Variants in WDR35 observed in about 807,000 individuals in gnomAD.
WDR35 encodes WD repeat domain 35, also known as WD repeat-containing protein 35.
A neutral mutation model predicts 158.3 loss-of-function variants in WDR35; 118 were observed. The ratio of observed to expected loss-of-function variants is 0.75; its 90% confidence interval spans 0.64 to 0.87. WDR35 has a LOEUF of 0.87. Among genes scored for constraint, WDR35 ranks in the 40% least tolerant of loss-of-function variants. The pLI, the probability that WDR35 is intolerant of heterozygous loss-of-function variation, is 0.00. For synonymous variants in WDR35, 448 were observed against 476.1 expected, an observed-to-expected ratio of 0.94 and a Z score of 0.77; for missense variants, 1,263 against 1,405.8, an observed-to-expected ratio of 0.90 and a Z score of 1.62.
At position 19,923,131 on chromosome 2, in the gene WDR35, A is replaced by G. The variant is rs571546662; in HGVS notation, c.3121+7265T>C. On this transcript the variant is annotated intron_variant, in intron 25 of 26. Transcript: ENST00000281405. ...TAAATACGTGGGTAAATCTCTGTTCAGGGCTCTCAGCTCTGAAGGTTGTGA... is the reference window on the plus strand; with the variant it reads ...TAAATACGTGGGTAAATCTCTGTTCGGGGCTCTCAGCTCTGAAGGTTGTGA... 4.4e-4 allele frequency among the ~76,000 whole-genome samples: 67 copies of G among 152,306 alleles called. No homozygotes were observed. The East Asian group carries it at 0.011, about 24-fold the overall frequency.
intron 9 of WDR35, among the ~76,000 whole-genome samples, chr2:19,967,469 T>C (rs191611306): frequency 6.6e-6 from 1 of 152,314 alleles, no homozygotes; most frequent in East Asian, 1.9e-4. Flanking sequence ...GCAACTGTTC[T>C]GGTGTTTATT....
chr2:19,913,767 A>G, intron 26 of WDR35, 59 bp from the exon 27 acceptor site: 1 of 1,601,530 alleles, frequency 6.2e-7, no homozygotes, highest in Non-Finnish European at 8.5e-7. Context: ...GTCTAACTTT[A>G]TTTAATACAC....
intron 16 of WDR35, among the ~76,000 whole-genome samples, chr2:19,944,074 A>T (rs1670970374): frequency 6.6e-6 from 1 of 152,100 alleles, no homozygotes; most frequent in Non-Finnish European, 1.5e-5. Context: ...CTTTGAAGAG[A>T]TCATGTTCTT....
chr2:19,927,526 G>A (rs999889576), intron 25 of WDR35, among the ~76,000 whole-genome samples: 4 of 152,268 alleles, frequency 2.6e-5, no homozygotes, highest in South Asian at 2.1e-4. Context: ...TAAGAAGTAC[G>A]GCAAGAGTTC....
intron 26 of WDR35, 148 bp from the exon 27 acceptor site, chr2:19,913,856 C>T: frequency 2.1e-6 from 3 of 1,413,826 alleles, no homozygotes; most frequent in Non-Finnish European, 1.9e-6. Context: ...CAAGAAAAAA[C>T]CTTTCTTACA....
chr2:19,916,949 G>T (rs1049388959), intron 25 of WDR35, among the ~76,000 whole-genome samples: 3 of 152,134 alleles, frequency 2.0e-5, no homozygotes, highest in Non-Finnish European at 4.4e-5. Flanking sequence ...CCTCCCAGTG[G>T]GTCCCTGGGA....
intron 2 of WDR35, among the ~76,000 whole-genome samples, chr2:19,987,259 A>C (rs1406964961): frequency 2.0e-5 from 3 of 152,228 alleles, no homozygotes; most frequent in Non-Finnish European, 4.4e-5. Context: ...AATCAACACT[A>C]GTTGTATTAA....
chr2:19,983,697 T>C (rs1398237858), intron 2 of WDR35, among the ~76,000 whole-genome samples: 2 of 152,172 alleles, frequency 1.3e-5, no homozygotes, highest in Non-Finnish European at 2.9e-5. Context: ...TATCCTTTAT[T>C]CTGAAAACAT....
chr2:19,914,103 A>G lies in WDR35; in HGVS notation c.3296T>C (p.Leu1099Ser). The G allele has an allele frequency of 6.2e-7, 1 of 1,614,190 alleles. No homozygotes were observed. Residue 1099 changes from leucine to serine, a missense_variant, in exon 26 of 27, where the codon TTA becomes TCA. Transcript: ENST00000281405. The part of the protein sequence containing the change: ...EQKQQYEDLA[L>S]EIFTKHTSKD... Reference sequence around the variant, plus strand: ...TGAAGTATGTTTGGTGAAGATTTCTAAAGCAAGGTCTTCATACTGCTGTTT... The same window carrying G: ...TGAAGTATGTTTGGTGAAGATTTCTGAAGCAAGGTCTTCATACTGCTGTTT...
At position 19,930,411 on chromosome 2, in the gene WDR35, T is replaced by C. The variant is rs766417446; in HGVS notation, c.3106A>G (p.Thr1036Ala). The change falls in exon 25 of 27, where the codon ACT becomes GCT. Residue 1036 changes from threonine to alanine, a missense_variant. Physicochemically the swap from Thr to Ala is moderately conservative, Grantham distance 58. Coordinates refer to ENST00000281405, the MANE Select transcript of WDR35 (RefSeq NM_020779.4). The stretch of plus-strand genomic sequence containing the variant: ...ACATGCCCACCTGTCTTCAGTGCAG[T>C]GTCCACACATCCCTCATAGAGCTGC... The part of the protein sequence containing the change: ...QRQLYEGCVD[T>A]ALKTALHLKD... The C allele has an allele frequency of 1.2e-6, 2 of 1,614,198 alleles. No individual in the cohort carries two copies. Among genetic ancestry groups the C allele is most frequent in the South Asian group, 2.2e-5 (2 of 91,086 alleles).
At chr2:19,925,075 C>T (rs1249817899) in intron 25 of WDR35, among the ~76,000 whole-genome samples, 2 of 152,190 alleles carry the variant, frequency 1.3e-5, no homozygotes, top group Non-Finnish European at 2.9e-5. Context: ...ATGTCTGTTC[C>T]CCGCCACAGC....
Position 19,973,546 on chromosome 2 carries a change from A to G in WDR35, c.882+17T>C, listed in dbSNP as rs780215884. On this transcript the variant is annotated intron_variant, in intron 8 of 26. Coordinates refer to ENST00000281405, the MANE Select transcript of WDR35 (RefSeq NM_020779.4). ...CATTTAAATAGAAAGAAAGAAGATC[A>G]ATTTGAATGCATTTACCTCACCAAA... The G allele has an allele frequency of 6.2e-7, 1 of 1,614,124 alleles. No homozygotes were observed. Among genetic ancestry groups the G allele is most frequent in the Admixed American group, 1.7e-5 (1 of 60,032 alleles).
rs1388167616 is a variant in WDR35, at chr2:19,976,692, T to C, written c.437-1029A>G. Among the ~76,000 whole-genome samples the C allele has an allele frequency of 3.4e-5, 5 of 149,192 alleles. 1 individual carries two copies. The South Asian group carries it at 6.3e-4, about 19-fold the overall frequency. On this transcript the variant is annotated intron_variant, in intron 5 of 26. Transcript: ENST00000281405. ...TGTTGCTAAAGCCAATTGATACTTT[T>C]TTTTTTTTTTTTTTACCACTCCCTC...
Position 19,946,549 on chromosome 2 carries a change from G to A in WDR35, c.1546C>T (p.Gln516Ter), listed in dbSNP as rs1050086118. 2 of 1,613,542 alleles carry A rather than the reference G, an allele frequency of 1.2e-6. No homozygotes were observed. Among genetic ancestry groups the A allele is most frequent in the Non-Finnish European group, 8.5e-7 (1 of 1,179,648 alleles). The change falls in exon 15 of 27, where the codon CAG (glutamine) becomes TAG (stop). Residue 516 changes from glutamine to a stop codon, truncating the protein, a stop_gained. Transcript: ENST00000281405. LOFTEE classifies it high-confidence loss of function. ...LIVGRESGTIQRYSLPNVGLI... is the reference protein window; with the variant it reads ...LIVGRESGTI ...CCAACATTAGGTAGACTGTATCTCTGAATGGTGCCAGATTCACGACCCTAT... is the reference window on the plus strand; with the variant it reads ...CCAACATTAGGTAGACTGTATCTCTAAATGGTGCCAGATTCACGACCCTAT...
intron 1 of WDR35, 71 bp downstream of exon 1, chr2:19,989,921 G>C (rs1019372301): frequency 6.2e-7 from 1 of 1,602,026 alleles, no homozygotes; most frequent in Non-Finnish European, 8.5e-7. Context: ...CTGGCTTCTC[G>C]GGAAGGCAGC....
At chr2:19,933,055 C>A (rs1269914552) in intron 22 of WDR35, among the ~76,000 whole-genome samples, 1 of 152,148 alleles carries the variant, frequency 6.6e-6, no homozygotes, top group Non-Finnish European at 1.5e-5. Flanking sequence ...ATTAACTGGT[C>A]CTTCTTTGGA....
At chr2:19,939,091 T>C (rs1670791429) in intron 17 of WDR35, among the ~76,000 whole-genome samples, 1 of 152,230 alleles carries the variant, frequency 6.6e-6, no homozygotes, top group African/African-American at 2.4e-5. Flanking sequence ...TTCTAGAGCT[T>C]AAGGCAATCG....
In WDR35 at chr2:19,936,212, T is replaced by A. The variant is rs754413225; in HGVS notation, c.2414+7A>T. On this transcript the variant is annotated splice_region_variant and intron_variant, in intron 20 of 26. Transcript: ENST00000281405. ...AATGCTTGAGGAGCTCCAGGTAAGT[T>A]ACATACCACTTTTGTCGATCAGCAA... The A allele has an allele frequency of 1.9e-6, 3 of 1,613,846 alleles. No individual in the cohort carries two copies. Among genetic ancestry groups the A allele is most frequent in the Non-Finnish European group, 2.5e-6 (3 of 1,179,846 alleles).
At chr2:19,987,907 C>T (rs900966113) in intron 2 of WDR35, among the ~76,000 whole-genome samples, 6 of 150,216 alleles carry the variant, frequency 4.0e-5, no homozygotes, top group African/African-American at 7.4e-5. Flanking sequence ...TATATACACA[C>T]GTATATATAT....
Sources: allele counts gnomAD v4.1 joint callset (sites outside exome capture counted in the v4.1 genomes callset), GRCh38; gene constraint gnomAD v4.1.1; transcripts MANE v1.5; gene names NCBI Gene and HGNC (gene_info 2026-07-23, HGNC 2026-07-21).